The following RPS6KA2 variants were observed in gnomAD, a reference collection of about 807,000 sequenced individuals.
RPS6KA2 encodes ribosomal protein S6 kinase alpha-2.
Under a neutral mutation model 91.8 loss-of-function variants are expected in RPS6KA2, and 42 were observed. That is an observed-to-expected ratio of 0.46 (90% CI 0.36 to 0.59). The LOEUF is 0.59. RPS6KA2 is among the 20% of genes least tolerant of loss of function. RPS6KA2 has a pLI of 0.00. For missense variants in RPS6KA2, 798 were observed against 978.5 expected, an observed-to-expected ratio of 0.82 and a Z score of 2.46; for synonymous variants, 414 against 393.6, an observed-to-expected ratio of 1.05 and a Z score of -0.61.
intron 1 of RPS6KA2, among the ~76,000 whole-genome samples, chr6:166,613,085 G>T (rs969194225): frequency 6.6e-6 from 1 of 152,200 alleles, no homozygotes; most frequent in Non-Finnish European, 1.5e-5. Flanking sequence ...TTAAAAGCAC[G>T]TGTCTGAATT....
At chr6:166,641,042 T>G (rs192767609) in intron 2 of RPS6KA2, among the ~76,000 whole-genome samples, 14 of 152,270 alleles carry the variant, frequency 9.2e-5, no homozygotes, top group Admixed American at 4.6e-4. Context: ...AACTTATAGT[T>G]TTTAGAGGTT....
At position 166,733,467 on chromosome 6, in the gene RPS6KA2, A is replaced by C. The variant is rs1367255218; in HGVS notation, c.123+124733T>G. Among the ~76,000 whole-genome samples, 3 of 152,238 alleles carry C rather than the reference A, an allele frequency of 2.0e-5. No homozygotes were observed. In the East Asian group the frequency reaches 5.8e-4, roughly 29 times the overall value. On this transcript the variant is annotated intron_variant, in intron 2 of 21. Transcript: ENST00000503859. The surrounding 1 kb of genome is among the most constrained non-coding windows in gnomAD (Gnocchi z 4.1). The stretch of plus-strand genomic sequence containing the variant: ...CTCCCAAAAAGACATAGGGACCCTT[A>C]CAGTACGAGTTTTGGGTACTAACCC...
chr6:166,461,623 ACG>A (rs1048715246), intron 11 of RPS6KA2, among the ~76,000 whole-genome samples: 3 of 149,816 alleles, frequency 2.0e-5, no homozygotes, highest in Non-Finnish European at 3.0e-5. Flanking sequence ...GAGAGAGAGC[ACG>A]CACTAGCTCG....
At chr6:166,859,943 C>T (rs1191166312) in intron 1 of RPS6KA2, among the ~76,000 whole-genome samples, 9 of 152,180 alleles carry the variant, frequency 5.9e-5, no homozygotes, top group Admixed American at 5.9e-4. Flanking sequence ...ATGAGAAAAG[C>T]ATGCAGGCTC....
chr6:166,719,964 G>A (rs1319175183), intron 2 of RPS6KA2, among the ~76,000 whole-genome samples: 1 of 152,206 alleles, frequency 6.6e-6, no homozygotes, highest in Non-Finnish European at 1.5e-5. Flanking sequence ...GCAGCTTTGA[G>A]ATATGTGGGA....
chr6:166,742,295 G>T (rs1025907048), intron 2 of RPS6KA2, among the ~76,000 whole-genome samples: 5 of 152,210 alleles, frequency 3.3e-5, no homozygotes, highest in African/African-American at 1.2e-4. Context: ...GGCAGCTCAA[G>T]AAGAAATCTC....
At position 166,635,134 on chromosome 6, in the gene RPS6KA2, T is replaced by C. The variant is rs1787193820; in HGVS notation, c.124-96350A>G. Among the ~76,000 whole-genome samples, 3 of 152,368 alleles carry C rather than the reference T, an allele frequency of 2.0e-5. No homozygotes were observed. In the South Asian group the frequency reaches 6.2e-4, roughly 32 times the overall value. On this transcript the variant is annotated intron_variant, in intron 2 of 21. Coordinates refer to the RPS6KA2 transcript ENST00000503859. This position sits in a 1 kb window ranked among gnomAD's most constrained non-coding sequence, Gnocchi z 4.8. ...TGTGGGGCATACTTGGTTGTATTCATGTTTGTGACTCACTAATTATCAATC... is the reference window on the plus strand; with the variant it reads ...TGTGGGGCATACTTGGTTGTATTCACGTTTGTGACTCACTAATTATCAATC...
chr6:166,727,899 G>T (rs915523697), intron 2 of RPS6KA2, among the ~76,000 whole-genome samples: 3 of 122,342 alleles, frequency 2.5e-5, no homozygotes, highest in African/African-American at 1.6e-4. Flanking sequence ...GTGACCCTCT[G>T]ATAGGGGTTT....
At chr6:166,484,500 G>A (rs947284463) in intron 10 of RPS6KA2, among the ~76,000 whole-genome samples, 2 of 152,178 alleles carry the variant, frequency 1.3e-5, no homozygotes, top group African/African-American at 4.8e-5. Flanking sequence ...GAACTCCCAG[G>A]GGCTTCCAGA....
At chr6:166,449,854 C>T (rs1430887055) in intron 13 of RPS6KA2, among the ~76,000 whole-genome samples, 55 of 74,814 alleles carry the variant, frequency 7.4e-4, no homozygotes, top group Middle Eastern at 0.011. Flanking sequence ...ACCACGAGGA[C>T]CACCATGGGA....
intron 1 of RPS6KA2, among the ~76,000 whole-genome samples, chr6:166,619,282 G>A (rs1277657642): frequency 6.6e-6 from 1 of 152,190 alleles, no homozygotes; most frequent in Non-Finnish European, 1.5e-5. Context: ...TTTGATTCCC[G>A]CAGCCCGTCT....
chr6:166,479,762 G>A (rs1446635159), intron 10 of RPS6KA2, among the ~76,000 whole-genome samples: 2 of 152,218 alleles, frequency 1.3e-5, no homozygotes, highest in Non-Finnish European at 2.9e-5. Flanking sequence ...GTCCCTCCGG[G>A]GAGAAGCACC....
chr6:166,673,022 C>T (rs952735015), intron 2 of RPS6KA2, among the ~76,000 whole-genome samples: 28 of 152,278 alleles, frequency 1.8e-4, no homozygotes, highest in Middle Eastern at 6.8e-3. Context: ...GCCCCCGAGC[C>T]CTCTCCCAGC....
chr6:166,627,425 A>C, upstream of RPS6KA2: 1 of 158,502 alleles, frequency 6.3e-6, no homozygotes. Flanking sequence ...AGCACTGCCA[A>C]TGAGAGCCCA....
rs1782356610 is a variant in RPS6KA2 at position 166,508,757 on chromosome 6, T to C, written c.380-475A>G. Among the ~76,000 whole-genome samples the C allele has an allele frequency of 6.6e-6, 1 of 152,190 alleles. No homozygotes were observed. Among genetic ancestry groups the C allele is most frequent in the African/African-American group, 2.4e-5 (1 of 41,446 alleles). ...GGAGCCCCCCGCTTGCCTTCCTCTC[T>C]TGAGGCAGTTCTGGTGATAGGTCAG... On this transcript the variant is annotated intron_variant, in intron 4 of 20. Transcript: ENST00000265678. This position sits in a 1 kb window ranked among gnomAD's most constrained non-coding sequence, Gnocchi z 4.3.
chr6:166,489,937 C>T (rs1479604246), intron 9 of RPS6KA2, among the ~76,000 whole-genome samples: 1 of 152,102 alleles, frequency 6.6e-6, no homozygotes, highest in Non-Finnish European at 1.5e-5. Flanking sequence ...CGAGTGGCCT[C>T]ACTTAGGAAG....
chr6:166,631,981 G>A (rs145589919), upstream of RPS6KA2, among the ~76,000 whole-genome samples: 1,260 of 152,258 alleles, frequency 8.3e-3, 10 homozygotes, highest in Non-Finnish European at 0.012. Context: ...TGGGGACAGC[G>A]CTCCTCTCCG....
intron 2 of RPS6KA2, among the ~76,000 whole-genome samples, chr6:166,644,379 G>A (rs1787540669): frequency 6.6e-6 from 1 of 152,066 alleles, no homozygotes; most frequent in African/African-American, 2.4e-5. Context: ...CATTTACTGT[G>A]CCTGCTCCCC....
At chr6:166,730,608 G>C (rs1790481364) in intron 2 of RPS6KA2, among the ~76,000 whole-genome samples, 3 of 152,108 alleles carry the variant, frequency 2.0e-5, no homozygotes, top group Admixed American at 2.0e-4. Context: ...GCTAGTCTAA[G>C]TTTTTGTCAT....
Sources: allele counts gnomAD v4.1 joint callset (sites outside exome capture counted in the v4.1 genomes callset), GRCh38; gene constraint gnomAD v4.1.1; non-coding constraint Gnocchi (gnomAD v3.1); transcripts MANE v1.5; gene names NCBI Gene and HGNC (gene_info 2026-07-23, HGNC 2026-07-21).